The following CADM2 variants were observed in gnomAD, a reference collection of about 807,000 sequenced individuals.
CADM2 encodes cell adhesion molecule 2.
Under a neutral mutation model 49.8 loss-of-function variants are expected in CADM2, and 12 were observed. The ratio of observed to expected loss-of-function variants is 0.24; its 90% CI spans 0.15 to 0.39. The LOEUF is 0.39. Ranked by LOEUF, CADM2 falls within the 10% of genes least tolerant of loss-of-function variation. CADM2 has a pLI of 1.00. For missense variants in CADM2, 378 were observed against 492.3 expected (o/e 0.77, Z 2.20); for synonymous variants, 214 against 175.4 (o/e 1.22, Z -1.74).
intron 1 of CADM2, among the ~76,000 whole-genome samples, chr3:85,293,246 T>C (rs1338987484): frequency 1.3e-5 from 2 of 151,952 alleles, no homozygotes; most frequent in African/African-American, 4.8e-5. Flanking sequence ...AGGAAGAAGT[T>C]GAATCTCTGA....
chr3:85,589,150 T>A (rs1224516640), intron 1 of CADM2, among the ~76,000 whole-genome samples: 1 of 151,896 alleles, frequency 6.6e-6, no homozygotes. Context: ...TGTTTGTGTG[T>A]GGGGAGGAGG....
chr3:85,933,007 A>C (rs1169902029), intron 6 of CADM2, among the ~76,000 whole-genome samples: 1 of 152,160 alleles, frequency 6.6e-6, no homozygotes, highest in Non-Finnish European at 1.5e-5. Context: ...TGTTACACAG[A>C]TTCTCGCCTC....
chr3:85,503,618 A>C (rs139283229), intron 1 of CADM2, among the ~76,000 whole-genome samples: 4 of 152,204 alleles, frequency 2.6e-5, no homozygotes, highest in Admixed American at 1.3e-4. Context: ...TGAACTGTCA[A>C]CACCGTATTG....
chr3:85,163,096 T>A (rs1300719287), intron 1 of CADM2, among the ~76,000 whole-genome samples: 1 of 152,072 alleles, frequency 6.6e-6, no homozygotes, highest in Non-Finnish European at 1.5e-5. Context: ...TGCAACACAG[T>A]CATGTTATTA....
intron 1 of CADM2, among the ~76,000 whole-genome samples, chr3:85,435,603 C>T (rs1369877242): frequency 6.6e-6 from 1 of 152,158 alleles, no homozygotes; most frequent in African/African-American, 2.4e-5. Context: ...CTGTCTTCCG[C>T]AATGGTTGAA....
At chr3:84,982,402 A>G (rs999677017) in intron 1 of CADM2, among the ~76,000 whole-genome samples, 4 of 152,012 alleles carry the variant, frequency 2.6e-5, no homozygotes, top group African/African-American at 9.7e-5. Flanking sequence ...CAGATAGTCT[A>G]TATCAACATA....
intron 1 of CADM2, among the ~76,000 whole-genome samples, chr3:85,172,544 G>C (rs1156249380): frequency 6.6e-6 from 1 of 152,050 alleles, no homozygotes; most frequent in Non-Finnish European, 1.5e-5. Context: ...CCTCTAGCTA[G>C]GGCAACAATG....
At chr3:85,859,073 T>C (rs534287254) in intron 3 of CADM2, among the ~76,000 whole-genome samples, 1 of 150,554 alleles carries the variant, frequency 6.6e-6, no homozygotes, top group East Asian at 1.9e-4. Flanking sequence ...TTGTATACTA[T>C]TTGAGAAGTA....
At chr3:85,959,068 A>ATC in intron 7 of CADM2, among the ~76,000 whole-genome samples, 1 of 151,300 alleles carries the variant, frequency 6.6e-6, no homozygotes, top group African/African-American at 2.4e-5. Context: ...CTATATCTAT[A>ATC]TATCTATATA....
At chr3:85,676,596 C>T (rs1478557995) in intron 1 of CADM2, among the ~76,000 whole-genome samples, 2 of 152,088 alleles carry the variant, frequency 1.3e-5, no homozygotes, top group Non-Finnish European at 2.9e-5. Flanking sequence ...ATAGGACCTT[C>T]TATTTTGAGA....
At position 85,775,528 on chromosome 3, in the gene CADM2, C is replaced by T. The variant is rs184903545; in HGVS notation, c.89-26519C>T. ...ATAAACTTGAAAATCAAAATCCACT[C>T]GGAATGATTTATTAAGATAATCGTT... On this transcript the variant is annotated intron_variant, in intron 2 of 9. Coordinates refer to ENST00000383699, the MANE Select transcript of CADM2 (RefSeq NM_001167675.2). 2.2e-3 allele frequency among the ~76,000 whole-genome samples: 340 copies of T among 151,850 alleles called. 7 individuals carry two copies. In the East Asian group the frequency reaches 0.063, roughly 28 times the overall value.
chr3:85,979,342 T>G, intron 8 of CADM2: 6 of 1,560,664 alleles, frequency 3.8e-6, no homozygotes, highest in Non-Finnish European at 4.3e-6. Flanking sequence ...TCTGTAGAAG[T>G]TTTTAGAAAG....
chr3:85,955,622 C>G (rs548917270), intron 7 of CADM2, among the ~76,000 whole-genome samples: 1 of 151,278 alleles, frequency 6.6e-6, no homozygotes, highest in Non-Finnish European at 1.5e-5. Context: ...AATAAATGCC[C>G]CAAATACAAA....
chr3:85,067,553 C>G (rs1416913480), intron 1 of CADM2, among the ~76,000 whole-genome samples: 1 of 152,122 alleles, frequency 6.6e-6, no homozygotes, highest in Admixed American at 6.6e-5. Context: ...TCTGGGAACA[C>G]AGTAGGACAC....
intron 1 of CADM2, among the ~76,000 whole-genome samples, chr3:85,409,509 C>T (rs367664010): frequency 2.0e-5 from 3 of 152,062 alleles, no homozygotes; most frequent in Non-Finnish European, 4.4e-5. Flanking sequence ...TTGTGAAGAG[C>T]TTTCTGTGCT....
At chr3:85,332,270 T>A (rs969845446) in intron 1 of CADM2, among the ~76,000 whole-genome samples, 3 of 152,068 alleles carry the variant, frequency 2.0e-5, no homozygotes, top group African/African-American at 7.2e-5. Context: ...AAATACAGGC[T>A]CCAAATTTCC....
At chr3:85,135,018 T>C (rs1302594213) in intron 1 of CADM2, among the ~76,000 whole-genome samples, 2 of 151,956 alleles carry the variant, frequency 1.3e-5, no homozygotes, top group Non-Finnish European at 2.9e-5. Flanking sequence ...TTTTATTAAT[T>C]TGTGTAATTT....
At chr3:86,045,981 T>C (rs1252842741) in intron 8 of CADM2, among the ~76,000 whole-genome samples, 1 of 152,134 alleles carries the variant, frequency 6.6e-6, no homozygotes, top group East Asian at 1.9e-4. Flanking sequence ...TTTTAACCAT[T>C]ATGACATTCT....
chr3:85,433,284 A>T (rs956868627), intron 1 of CADM2, among the ~76,000 whole-genome samples: 3 of 152,242 alleles, frequency 2.0e-5, no homozygotes, highest in African/African-American at 7.2e-5. Context: ...TTGTTTTCCC[A>T]GACATCTGTC....
Sources: gnomAD v4.1 joint callset for allele counts (sites outside exome capture counted in the v4.1 genomes callset) on GRCh38, gnomAD v4.1.1 for gene constraint, MANE v1.5 for transcripts, NCBI Gene and HGNC (gene_info 2026-07-23, HGNC 2026-07-21) for gene names.